Variants in FHL5 observed in about 807,000 individuals in gnomAD.
FHL5 encodes four and a half LIM domains protein 5.
In FHL5, 33 loss-of-function variants were observed where a neutral mutation model predicts 32.0. The ratio of observed to expected loss-of-function variants is 1.03; its 90% CI spans 0.78 to 1.38. The LOEUF (loss-of-function observed/expected upper bound fraction) is 1.38, where lower values mean the gene tolerates loss of function less well. FHL5 is among the 40% of genes most tolerant of loss of function. FHL5 has a pLI of 0.00. For missense variants in FHL5, 336 were observed against 343.9 expected (o/e 0.98, Z 0.18); for synonymous variants, 114 against 113.6 (o/e 1.00, Z -0.02).
At chr6:96,577,261 A>G (rs1770602440) in intron 1 of FHL5, among the ~76,000 whole-genome samples, 1 of 152,200 alleles carries the variant, frequency 6.6e-6, no homozygotes, top group Non-Finnish European at 1.5e-5. Context: ...TTTGCCTTGT[A>G]CCTTTTAAAA....
At chr6:96,588,446 C>T (rs1220279362) in intron 1 of FHL5, among the ~76,000 whole-genome samples, 1 of 152,234 alleles carries the variant, frequency 6.6e-6, no homozygotes, top group East Asian at 1.9e-4. Flanking sequence ...AGGTGATCCA[C>T]CTGCCTCAAC....
chr6:96,580,178 T>C (rs1770669525), intron 1 of FHL5, among the ~76,000 whole-genome samples: 4 of 152,176 alleles, frequency 2.6e-5, no homozygotes, highest in African/African-American at 9.7e-5. Context: ...CAAAAGAAAG[T>C]TCTACCTCGT....
At chr6:96,579,024 T>C (rs1282787128) in intron 1 of FHL5, among the ~76,000 whole-genome samples, 1 of 152,168 alleles carries the variant, frequency 6.6e-6, no homozygotes, top group African/African-American at 2.4e-5. Context: ...ATCTGTAAAA[T>C]GAGGACTTGA....
chr6:96,588,771 A>G (rs778129416), intron 1 of FHL5, among the ~76,000 whole-genome samples: 1 of 151,928 alleles, frequency 6.6e-6, no homozygotes, highest in Non-Finnish European at 1.5e-5. Flanking sequence ...AATGTTTTAT[A>G]TATTTTGTTT....
At position 96,615,934 on chromosome 6, in the gene FHL5, CA is replaced by C; in HGVS notation, c.*167del. The C allele has an allele frequency of 1.9e-6, 1 of 527,414 alleles. No homozygotes were observed. The highest frequency in any genetic ancestry group is 3.2e-5 in the East Asian group (1 of 30,916). The allele number at this position is 527,414 out of a possible 1,614,324, so 32.7% of individuals were successfully genotyped here. ...TTGATCGAACTATATTCTAAGCACA[CA>C]AAAAGCACAGTAGAACAGAAATGAA... On this transcript the variant is annotated 3_prime_UTR_variant, in exon 6 of 6. Coordinates refer to ENST00000450218, the MANE Select transcript of FHL5 (RefSeq NM_001322466.2).
intron 1 of FHL5, among the ~76,000 whole-genome samples, chr6:96,573,608 A>G (rs1386551906): frequency 1.6e-5 from 2 of 128,398 alleles, no homozygotes; most frequent in Non-Finnish European, 1.6e-5. Flanking sequence ...TGCAAGCTCC[A>G]CCTCCCGGGT....
In FHL5 at chr6:96,613,874, C is replaced by T. The variant is rs186892016; in HGVS notation, c.692-1735C>T. ...ATGAAGGTAAGGTGAGGGCTGTATA[C>T]GGTAACACACATAAAGGACTTAGAA... On this transcript the variant is annotated intron_variant, in intron 5 of 5. Coordinates refer to ENST00000450218, the MANE Select transcript of FHL5 (RefSeq NM_001322466.2). Among the ~76,000 whole-genome samples, 352 of 152,240 alleles carry T rather than the reference C, an allele frequency of 2.3e-3. 1 individual carries two copies. Among genetic ancestry groups the T allele is most frequent in the African/African-American group, 5.7e-3 (238 of 41,546 alleles).
At chr6:96,607,653 G>A (rs1771313184) in intron 4 of FHL5, among the ~76,000 whole-genome samples, 1 of 151,924 alleles carries the variant, frequency 6.6e-6, no homozygotes, top group Non-Finnish European at 1.5e-5. Flanking sequence ...GACATATGAA[G>A]CTCCAAAGAA....
intron 1 of FHL5, among the ~76,000 whole-genome samples, chr6:96,566,971 C>T (rs2499778): frequency 0.86 from 131,226 of 152,004 alleles, 57,167 homozygotes; most frequent in East Asian, 1. Flanking sequence ...TCCTTTGCTG[C>T]GCAGAAGCTT....
intron 5 of FHL5, among the ~76,000 whole-genome samples, chr6:96,611,489 T>C (rs949422620): frequency 6.6e-6 from 1 of 152,178 alleles, no homozygotes; most frequent in Admixed American, 6.5e-5. Flanking sequence ...GCTAATCCTA[T>C]AATAAAGGAA....
chr6:96,566,157 C>G (rs1191795026), intron 1 of FHL5, among the ~76,000 whole-genome samples: 1 of 151,962 alleles, frequency 6.6e-6, no homozygotes, highest in East Asian at 1.9e-4. Context: ...CTTTCTTCCC[C>G]CTACCCTTTT....
chr6:96,615,839 G>A lies in FHL5; in HGVS notation c.*67G>A, dbSNP rs558277289. On this transcript the variant is annotated 3_prime_UTR_variant, in exon 6 of 6. Transcript: ENST00000450218. ...GTCACTAAAGCCAGAACTCAGTTGC[G>A]GTCTTATTTTTGACTTAAGTTTTAG... 3.7e-4 allele frequency: 493 copies of A among 1,337,128 alleles called. 2 individuals carry two copies. Among genetic ancestry groups the A allele is most frequent in the South Asian group, 4.4e-4 (28 of 63,362 alleles). The allele number at this position is 1,337,128 out of a possible 1,614,324, so 82.8% of individuals were successfully genotyped here.
chr6:96,604,289 G>A (rs546298901), intron 2 of FHL5, among the ~76,000 whole-genome samples: 71 of 147,622 alleles, frequency 4.8e-4, no homozygotes, highest in African/African-American at 1.7e-3. Context: ...TCCATCCTCC[G>A]ATTATTTTCC....
chr6:96,604,854 G>T lies in FHL5; in HGVS notation c.264G>T (p.Leu88=). ...EKPFAAKDER[L]LCTECYSNEC... ...CTTTTGCTGCCAAGGATGAGCGCCT[G>T]CTGTGCACGGAGTGCTATTCTAACG... The change falls in exon 3 of 6, where the codon CTG becomes CTT. Residue 88 remains leucine (L), a synonymous_variant. Coordinates refer to ENST00000450218, the MANE Select transcript of FHL5 (RefSeq NM_001322466.2). 6.2e-7 allele frequency: 1 copy of T among 1,614,018 alleles called. No individual in the cohort carries two copies. The highest frequency in any genetic ancestry group is 8.5e-7 in the Non-Finnish European group (1 of 1,179,914).
At position 96,616,389 on chromosome 6, in the gene FHL5, A is replaced by C. The variant is rs1771522140; in HGVS notation, c.*617A>C. On this transcript the variant is annotated 3_prime_UTR_variant, in exon 6 of 6. Coordinates refer to ENST00000450218, the MANE Select transcript of FHL5 (RefSeq NM_001322466.2). ...GCTAGTTCTGTGTTTACTCAATGGA[A>C]TATGAGAACTGAGGACATTATGGCT... 2 of 152,232 alleles carry C rather than the reference A, an allele frequency of 1.3e-5. No homozygotes were observed. Among genetic ancestry groups the C allele is most frequent in the Admixed American group, 1.3e-4 (2 of 15,286 alleles). The allele number at this position is 152,232 out of a possible 1,614,324, so 9.4% of individuals were successfully genotyped here.
chr6:96,610,671 A>T lies in FHL5; in HGVS notation c.604A>T (p.Met202Leu), dbSNP rs148496460. Reference protein sequence around the residue: ...CRKDLCEEQFMSRDDYPFCVD... With the variant: ...CRKDLCEEQFLSRDDYPFCVD... ...GAAAGATCTCTGTGAAGAACAGTTCATGTCCAGAGACGACTATCCATTCTG... is the reference window on the plus strand; with the variant it reads ...GAAAGATCTCTGTGAAGAACAGTTCTTGTCCAGAGACGACTATCCATTCTG... The change falls in exon 5 of 6, where the codon ATG (methionine) becomes TTG (leucine). Residue 202 changes from methionine to leucine, a missense_variant. Transcript: ENST00000450218. The T allele has an allele frequency of 1.9e-6, 3 of 1,613,140 alleles. No homozygotes were observed. Among genetic ancestry groups the T allele is most frequent in the Non-Finnish European group, 2.5e-6 (3 of 1,179,108 alleles).
intron 1 of FHL5, among the ~76,000 whole-genome samples, chr6:96,584,625 G>A (rs1770762774): frequency 6.6e-6 from 1 of 152,046 alleles, no homozygotes; most frequent in Non-Finnish European, 1.5e-5. Context: ...TTTCACCAGA[G>A]AAAGATGATC....
In FHL5 at chr6:96,617,508, T is replaced by G. The variant is rs978715569; in HGVS notation, c.*1736T>G. Among the ~76,000 whole-genome samples, 1 of 152,230 alleles carries G rather than the reference T, an allele frequency of 6.6e-6. No homozygotes were observed. Among genetic ancestry groups the G allele is most frequent in the Non-Finnish European group, 1.5e-5 (1 of 68,036 alleles). ...GAAAACTATAAATGTATTTTTGGAT[T>G]AACAATGCCAAGGTATTTTTTCATA... On this transcript the variant is annotated 3_prime_UTR_variant, in exon 6 of 6. Transcript: ENST00000450218.
chr6:96,599,387 G>C (rs890469224), intron 1 of FHL5, among the ~76,000 whole-genome samples: 1 of 151,938 alleles, frequency 6.6e-6, no homozygotes, highest in Admixed American at 6.6e-5. Context: ...TAGAGCAGGG[G>C]TTTCTCCATG....
Sources: allele counts gnomAD v4.1 joint callset (sites outside exome capture counted in the v4.1 genomes callset), GRCh38; gene constraint gnomAD v4.1.1; transcripts MANE v1.5; gene names NCBI Gene and HGNC (gene_info 2026-07-23, HGNC 2026-07-21).